Variants in CLSPN observed in about 807,000 individuals in gnomAD.
CLSPN encodes claspin, also known as claspin homolog.
Under a neutral mutation model 156.3 loss-of-function variants are expected in CLSPN, and 85 were observed. That is an observed-to-expected ratio of 0.54 (90% confidence interval 0.46 to 0.65). The LOEUF is 0.65. CLSPN is among the 30% of genes least tolerant of loss of function. CLSPN has a pLI of 0.00. For synonymous variants in CLSPN, 534 were observed against 542.4 expected (o/e 0.98, Z 0.22); for missense variants, 1,407 against 1,554.9 (o/e 0.90, Z 1.60).
Position 35,733,977 on chromosome 1 carries a change from C to A in CLSPN, c.*2519G>T. 1 of 980,526 alleles carries A rather than the reference C, an allele frequency of 1.0e-6. No individual in the cohort carries two copies. The highest frequency in any genetic ancestry group is 1.2e-6 in the Non-Finnish European group (1 of 825,496). The allele number at this position is 980,526 out of a possible 1,614,324, so 60.7% of individuals were successfully genotyped here. A position where few individuals can be genotyped will look rare whatever the true frequency, so the allele number is the denominator to read the frequency against. On this transcript the variant is annotated 3_prime_UTR_variant, in exon 25 of 25. Transcript: ENST00000318121. ...CCTGGGCAACAGAATGAGACTGTCTCTAAAAAATAAGTTTTTTAAACAAAG... is the reference window on the plus strand; with the variant it reads ...CCTGGGCAACAGAATGAGACTGTCTATAAAAAATAAGTTTTTTAAACAAAG...
At chr1:35,737,263 G>A in intron 23 of CLSPN, 76 bp downstream of exon 23, 2 of 1,366,178 alleles carry the variant, frequency 1.5e-6, no homozygotes, top group South Asian at 2.4e-5. Context: ...TAATGACAGA[G>A]ACTATTCTCT....
chr1:35,734,815 A>G lies in CLSPN; in HGVS notation c.*1681T>C. 2 of 985,428 alleles carry G rather than the reference A, an allele frequency of 2.0e-6. No homozygotes were observed. Among genetic ancestry groups the G allele is most frequent in the Non-Finnish European group, 2.4e-6 (2 of 829,924 alleles). 61.0% of individuals were successfully genotyped at this position (985,428 alleles called of 1,614,324 possible). ...TAAAAAACTGGCACACTCTCTTCCA[A>G]CTGCCCAAGTACAGGTCCTGACACT... On this transcript the variant is annotated 3_prime_UTR_variant, in exon 25 of 25. Transcript: ENST00000318121.
chr1:35,761,989 T>C lies in CLSPN; in HGVS notation c.895+9A>G. 1 of 1,603,218 alleles carries C rather than the reference T, an allele frequency of 6.2e-7. No homozygotes were observed. The highest frequency in any genetic ancestry group is 8.5e-7 in the Non-Finnish European group (1 of 1,171,256). Reference sequence around the variant, plus strand: ...TGATTTTGCCTCAAAGTTTACTGGGTTGCATTACCTCGAATAAGGCGCTGA... The same window carrying C: ...TGATTTTGCCTCAAAGTTTACTGGGCTGCATTACCTCGAATAAGGCGCTGA... On this transcript the variant is annotated intron_variant, in intron 6 of 24. Transcript: ENST00000318121.
At chr1:35,724,747 T>C (rs191326051) in intron 24 of CLSPN, among the ~76,000 whole-genome samples, 30 of 152,318 alleles carry the variant, frequency 2.0e-4, no homozygotes, top group Admixed American at 1.5e-3. Flanking sequence ...CAGAGGACCT[T>C]TGACATGCCA....
rs956490930 is a variant in CLSPN at position 35,735,712 on chromosome 1, A to T, written c.*784T>A. The T allele has an allele frequency of 2.0e-6, 2 of 984,860 alleles. No homozygotes were observed. The highest frequency in any genetic ancestry group is 1.2e-4 in the Admixed American group (2 of 16,238). 61.0% of individuals were successfully genotyped at this position (984,860 alleles called of 1,614,324 possible). ...AACAAAGTGAGACTATCTCAAAAAA[A>T]AAAAAAGAAATCTTTCTTTCACCGA... On this transcript the variant is annotated 3_prime_UTR_variant, in exon 25 of 25. Coordinates refer to ENST00000318121, the MANE Select transcript of CLSPN (RefSeq NM_022111.4).
chr1:35,763,399 A>G (rs1024564461), intron 3 of CLSPN, 78 bp from the exon 4 acceptor site: 4 of 1,120,164 alleles, frequency 3.6e-6, no homozygotes, highest in Non-Finnish European at 3.7e-6. Flanking sequence ...GGCAATTTGG[A>G]TCAGGCCAGA....
At chr1:35,752,972 A>G (rs1467893178) in intron 9 of CLSPN, among the ~76,000 whole-genome samples, 1 of 152,122 alleles carries the variant, frequency 6.6e-6, no homozygotes, top group Non-Finnish European at 1.5e-5. Flanking sequence ...AGTGTTTAAA[A>G]CTGTTTTCCA....
chr1:35,722,253 CTT>C (rs568124252), intron 24 of CLSPN, among the ~76,000 whole-genome samples: 30 of 124,624 alleles, frequency 2.4e-4, no homozygotes, highest in African/African-American at 3.4e-4. Context: ...CTAGTTATTC[CTT>C]TTTTTTTTTT....
Position 35,760,449 on chromosome 1 carries a change from C to A in CLSPN, c.1472G>T (p.Arg491Leu), listed in dbSNP as rs1284668513. ...SAVGPPEKVR[R>L]FTLDRLKQLG... ...TTGCTTAAGTCTATCCAGAGTAAAC[C>A]GTCTCACTTTTTCAGGTGGCCCAAC... is the stretch of plus-strand genomic sequence containing the variant. Residue 491 changes from arginine (R) to leucine (L), a missense_variant, in exon 8 of 25, where the codon CGG becomes CTG. Arg to Leu is a moderately radical substitution (Grantham distance 102, BLOSUM62 -2). Coordinates refer to ENST00000318121, the MANE Select transcript of CLSPN (RefSeq NM_022111.4). 6.2e-7 allele frequency: 1 copy of A among 1,614,116 alleles called. No individual in the cohort carries two copies. The highest frequency in any genetic ancestry group is 1.3e-5 in the African/African-American group (1 of 75,020).
At position 35,738,100 on chromosome 1, in the gene CLSPN, GAAAAA is replaced by G. The variant is rs367728453; in HGVS notation, c.3559-8_3559-4del. The G allele has an allele frequency of 1.7e-5, 6 of 355,722 alleles. No homozygotes were observed. Among genetic ancestry groups the G allele is most frequent in the South Asian group, 1.8e-4 (2 of 10,852 alleles). The allele number at this position is 355,722 out of a possible 1,614,324, so 22.0% of individuals were successfully genotyped here. A position where few individuals can be genotyped will look rare whatever the true frequency, so the allele number is the denominator to read the frequency against. ...GCTGTAATTTTCCCCTGCTGTGCCT[GAAAAA>G]AAAAAAAAATATATATATATATATA... is the stretch of plus-strand genomic sequence containing the variant. On this transcript the variant is annotated splice_region_variant and splice_polypyrimidine_tract_variant and intron_variant, in intron 21 of 24. Coordinates refer to ENST00000318121, the MANE Select transcript of CLSPN (RefSeq NM_022111.4).
Position 35,738,070 on chromosome 1 carries a change from C to T in CLSPN, c.3586G>A (p.Glu1196Lys). 7.0e-7 allele frequency: 1 copy of T among 1,422,962 alleles called. No individual in the cohort carries two copies. Among genetic ancestry groups the T allele is most frequent in the Non-Finnish European group, 9.3e-7 (1 of 1,071,580 alleles). The allele number at this position is 1,422,962 out of a possible 1,614,324, so 88.1% of individuals were successfully genotyped here. The change falls in exon 22 of 25, where the codon GAA becomes AAA. Residue 1196 changes from glutamate to lysine, a missense_variant. Physicochemically the swap from Glu to Lys is moderately conservative, Grantham distance 56. Around this residue, in one of 3 missense-constraint regions of CLSPN, gnomAD observed 241 missense variants for 240.5 expected, o/e 1.00. Transcript: ENST00000318121. ...CTGTCCTCCCCAATTTCTTCTTCTT[C>T]TTCAGCTGTAATTTTCCCCTGCTGT... ...MAQQGKITAE[E>K]EEEIGEDSQF...
chr1:35,740,977 G>A (rs999103141), intron 18 of CLSPN, among the ~76,000 whole-genome samples: 1 of 152,134 alleles, frequency 6.6e-6, no homozygotes, highest in African/African-American at 2.4e-5. Context: ...AACCCAAAGT[G>A]AATCTTAATA....
intron 24 of CLSPN, 38 bp from the exon 25 acceptor site, chr1:35,736,644 CT>C: frequency 2.5e-6 from 4 of 1,575,702 alleles, no homozygotes; most frequent in Non-Finnish European, 3.4e-6. Flanking sequence ...AGCTAAAGAC[CT>C]TCATACAAGT....
At chr1:35,744,863 G>A (rs1311616377) in intron 16 of CLSPN, among the ~76,000 whole-genome samples, 1 of 152,080 alleles carries the variant, frequency 6.6e-6, no homozygotes, top group African/African-American at 2.4e-5. Context: ...GCCCAGGTTG[G>A]AGTGCAATGG....
chr1:35,727,874 C>T (rs12037049), downstream of CLSPN, among the ~76,000 whole-genome samples: 641 of 152,246 alleles, frequency 4.2e-3, 3 homozygotes, highest in African/African-American at 0.012. Flanking sequence ...GGGACAAGTG[C>T]TATTGCTGCC....
intron 16 of CLSPN, 111 bp downstream of exon 16, chr1:35,745,340 C>T (rs1490275449): frequency 4.0e-6 from 3 of 744,728 alleles, no homozygotes; most frequent in Non-Finnish European, 6.9e-6. Context: ...ATATGAGACT[C>T]AAATCCACTG....
At chr1:35,730,691 C>T (rs1204270593), downstream of CLSPN, among the ~76,000 whole-genome samples, 4 of 149,982 alleles carry the variant, frequency 2.7e-5, no homozygotes, top group African/African-American at 7.4e-5. Context: ...ACACCTTCCC[C>T]GTCTCTATCA....
chr1:35,739,623 AT>A, intron 18 of CLSPN, 94 bp from the exon 19 acceptor site: 1 of 816,300 alleles, frequency 1.2e-6, no homozygotes, highest in Non-Finnish European at 1.9e-6. Flanking sequence ...ACTTCTAATA[AT>A]AATAAACATA....
intron 8 of CLSPN, among the ~76,000 whole-genome samples, chr1:35,757,535 T>A (rs954415985): frequency 6.6e-6 from 1 of 152,182 alleles, no homozygotes; most frequent in Non-Finnish European, 1.5e-5. Context: ...ACCTAACCTC[T>A]CTGAGCCTCA....
Sources: gnomAD v4.1 joint callset for allele counts (sites outside exome capture counted in the v4.1 genomes callset) on GRCh38, gnomAD v4.1.1 for gene constraint, gnomAD v4.1.1 regional missense constraint, MANE v1.5 for transcripts, NCBI Gene and HGNC (gene_info 2026-07-23, HGNC 2026-07-21) for gene names.